Variants in SOS1 observed in about 807,000 individuals in gnomAD.
SOS1 encodes the protein son of sevenless homolog 1.
A neutral mutation model predicts 157.6 loss-of-function variants in SOS1; 25 were observed. The observed-to-expected ratio is 0.16, with a 90% CI of 0.12 to 0.22. The LOEUF (loss-of-function observed/expected upper bound fraction) is 0.22, where lower values mean the gene tolerates loss of function less well. SOS1 is among the 10% of genes least tolerant of loss of function. SOS1 has a pLI of 1.00. For missense variants in SOS1, 1,237 were observed against 1,599.1 expected, an observed-to-expected ratio of 0.77 and a Z score of 3.86; for synonymous variants, 528 against 534.0, an observed-to-expected ratio of 0.99 and a Z score of 0.16.
At chr2:39,034,473 G>A (rs1234885345) in intron 8 of SOS1, among the ~76,000 whole-genome samples, 1 of 152,072 alleles carries the variant, frequency 6.6e-6, no homozygotes, top group African/African-American at 2.4e-5. Flanking sequence ...AAATAATAAC[G>A]CTATTAATGC....
chr2:38,991,191 G>A (rs1668722133), intron 20 of SOS1, among the ~76,000 whole-genome samples: 1 of 149,556 alleles, frequency 6.7e-6, no homozygotes, highest in Non-Finnish European at 1.5e-5. Context: ...TTATAAAGGA[G>A]TCATTCTTGA....
chr2:39,098,363 T>C (rs1672848448), intron 1 of SOS1: 1 of 247,230 alleles, frequency 4.0e-6, no homozygotes, highest in South Asian at 5.3e-5. Flanking sequence ...GCATGTCTCC[T>C]TTGGTTACAG....
intron 6 of SOS1, among the ~76,000 whole-genome samples, chr2:39,043,956 T>C (rs1448736627): frequency 6.6e-6 from 1 of 152,268 alleles, no homozygotes; most frequent in East Asian, 1.9e-4. Flanking sequence ...TATTCATTTT[T>C]TAATGTTTTT....
intron 1 of SOS1, among the ~76,000 whole-genome samples, chr2:39,099,724 G>A (rs1259740640): frequency 6.6e-6 from 1 of 152,078 alleles, no homozygotes; most frequent in African/African-American, 2.4e-5. Context: ...GGGAGAAAAT[G>A]TTTACAAACC....
intron 1 of SOS1, among the ~76,000 whole-genome samples, chr2:39,080,199 AC>A (rs1379899277): frequency 6.6e-6 from 1 of 151,592 alleles, no homozygotes; most frequent in Non-Finnish European, 1.5e-5. Flanking sequence ...GGAATGGGAG[AC>A]AGTGACAGAT....
chr2:39,111,512 G>C (rs911433664), intron 1 of SOS1, among the ~76,000 whole-genome samples: 1 of 152,090 alleles, frequency 6.6e-6, no homozygotes, highest in Non-Finnish European at 1.5e-5. Flanking sequence ...CATCAGAGGA[G>C]GTGAGAAGTA....
At chr2:39,061,747 G>A (rs1432000029) in intron 2 of SOS1, among the ~76,000 whole-genome samples, 3 of 152,018 alleles carry the variant, frequency 2.0e-5, no homozygotes, top group East Asian at 3.9e-4. Flanking sequence ...TCATGAATTA[G>A]AATACTATTA....
intron 8 of SOS1, among the ~76,000 whole-genome samples, chr2:39,028,772 T>C (rs1007735644): frequency 2.6e-5 from 4 of 152,284 alleles, no homozygotes; most frequent in East Asian, 3.9e-4. Flanking sequence ...ATTTGGGATA[T>C]AAAAATAAAG....
rs775052125 is a variant in SOS1, at chr2:39,051,265, C to T, written c.743G>A (p.Arg248His). 16 of 1,610,432 alleles carry T rather than the reference C, an allele frequency of 9.9e-6. No individual in the cohort carries two copies. The highest frequency in any genetic ancestry group is 6.7e-5 in the Admixed American group (4 of 59,974). ...SANDVENIFS[R>H]IVDIHELSVK... ...ACTAAGTTCATGTATATCTACTATG[C>T]GACTAAATATATTTTCTACATCCTG... Residue 248 changes from arginine (R) to histidine (H), a missense_variant, in exon 6 of 23, where the codon CGC (arginine) becomes CAC (histidine). Arg to His is a conservative substitution (Grantham distance 29). Around this residue, in one of 15 missense-constraint regions of SOS1, gnomAD observed 108 missense variants for 115.3 expected, o/e 0.94. Coordinates refer to ENST00000402219, the MANE Select transcript of SOS1 (RefSeq NM_005633.4).
Position 39,111,127 on chromosome 2 carries a change from G to A in SOS1, c.87+9209C>T, listed in dbSNP as rs149414673. 7.1e-3 allele frequency among the ~76,000 whole-genome samples: 1,086 copies of A among 152,294 alleles called. 6 individuals carry two copies. The highest frequency in any genetic ancestry group is 0.011 in the Non-Finnish European group (745 of 68,036). On this transcript the variant is annotated intron_variant, in intron 1 of 22. Transcript: ENST00000402219. ...ACATGCCTGTAATCCCAGCTAATCG[G>A]GAGGCTGAGGCAGGAGAATCACTTG... is the stretch of plus-strand genomic sequence containing the variant.
At chr2:39,090,191 A>G (rs1672540700) in intron 1 of SOS1, among the ~76,000 whole-genome samples, 1 of 152,134 alleles carries the variant, frequency 6.6e-6, no homozygotes, top group South Asian at 2.1e-4. Context: ...GCAGACTACT[A>G]AATAGCAAAT....
intron 6 of SOS1, among the ~76,000 whole-genome samples, chr2:39,040,206 A>G (rs934315206): frequency 4.4e-4 from 66 of 151,418 alleles, no homozygotes; most frequent in Non-Finnish European, 4.4e-5. Context: ...TTTAGTAGAG[A>G]TGGCGTTTCA....
chr2:39,112,842 C>T (rs1673489551), intron 1 of SOS1, among the ~76,000 whole-genome samples: 1 of 152,180 alleles, frequency 6.6e-6, no homozygotes, highest in South Asian at 2.1e-4. Flanking sequence ...AGTTCAAGAC[C>T]AGCCTGGGCA....
chr2:39,024,450 T>C (rs750927505), intron 8 of SOS1, among the ~76,000 whole-genome samples: 1 of 151,924 alleles, frequency 6.6e-6, no homozygotes. Flanking sequence ...TGAATTATCA[T>C]AGAGTTAGCA....
chr2:39,015,872 C>A (rs1022405562), intron 10 of SOS1, among the ~76,000 whole-genome samples: 3 of 84,066 alleles, frequency 3.6e-5, no homozygotes, highest in African/African-American at 1.5e-4. Flanking sequence ...TGGGAGCATT[C>A]TTTTCCTATT....
At chr2:39,030,590 T>A (rs1001233656) in intron 8 of SOS1, among the ~76,000 whole-genome samples, 3 of 151,998 alleles carry the variant, frequency 2.0e-5, no homozygotes, top group African/African-American at 7.2e-5. Context: ...GATGGGGGTG[T>A]TAGGGGGAAG....
In SOS1 at chr2:38,982,115, A is replaced by G. The variant is rs1356185330; in HGVS notation, c.*3709T>C. On this transcript the variant is annotated 3_prime_UTR_variant, in exon 23 of 23. Coordinates refer to ENST00000402219, the MANE Select transcript of SOS1 (RefSeq NM_005633.4). ...TGGTAGTCCAATGTGACCCACTGTT[A>G]GCTAATTTGCTTTATAATTCTGCAG... The G allele has an allele frequency of 6.6e-6, 1 of 152,136 alleles. No homozygotes were observed. Among genetic ancestry groups the G allele is most frequent in the East Asian group, 1.9e-4 (1 of 5,200 alleles). 9.4% of individuals were successfully genotyped at this position (152,136 alleles called of 1,614,324 possible).
intron 1 of SOS1, among the ~76,000 whole-genome samples, chr2:39,110,637 T>C (rs1020222758): frequency 6.6e-6 from 1 of 152,156 alleles, no homozygotes; most frequent in Non-Finnish European, 1.5e-5. Context: ...TTTCAATTCC[T>C]ACCTTGTATC....
chr2:38,997,724 G>T (rs1348103718), intron 17 of SOS1, among the ~76,000 whole-genome samples: 1 of 151,126 alleles, frequency 6.6e-6, no homozygotes, highest in Non-Finnish European at 1.5e-5. Context: ...CAAGAAAAAG[G>T]GAGGGAGACC....
Sources: allele counts gnomAD v4.1 joint callset (sites outside exome capture counted in the v4.1 genomes callset), GRCh38; gene constraint gnomAD v4.1.1; regional missense constraint gnomAD v4.1.1; transcripts MANE v1.5; gene names NCBI Gene and HGNC (gene_info 2026-07-23, HGNC 2026-07-21).